DLGAP2: variants seen among roughly 807,000 people sequenced by gnomAD.
The protein encoded by DLGAP2 is DLG associated protein 2.
DLGAP2 carries 26 observed loss-of-function variants against 100.3 expected under a neutral mutation model. The observed-to-expected ratio is 0.26, with a 90% CI of 0.19 to 0.36. The LOEUF (loss-of-function observed/expected upper bound fraction) is 0.36. Among genes scored for constraint, DLGAP2 ranks in the 10% least tolerant of loss-of-function variants. The pLI is 1.00. For synonymous variants in DLGAP2, 886 were observed against 630.1 expected (o/e 1.41, Z -6.08); for missense variants, 1,858 against 1,453.2 (o/e 1.28, Z -4.53).
rs535713032 is a variant in DLGAP2 at position 863,738 on chromosome 8, G to A, written c.19-44174G>A. On this transcript the variant is annotated intron_variant, in intron 1 of 14. Coordinates refer to ENST00000637795, the MANE Select transcript of DLGAP2 (RefSeq NM_001346810.2). ...AGACAAAGACAGCAGATGCCAGTGCGGATGTGGAGGGAGGGGAACTCTTAC... is the reference window on the plus strand; with the variant it reads ...AGACAAAGACAGCAGATGCCAGTGCAGATGTGGAGGGAGGGGAACTCTTAC... Among the ~76,000 whole-genome samples the A allele has an allele frequency of 3.3e-5, 5 of 152,330 alleles. No homozygotes were observed. The South Asian group carries it at 8.3e-4, about 25-fold the overall frequency.
At chr8:1,145,754 C>T (rs796530558) in intron 2 of DLGAP2, among the ~76,000 whole-genome samples, 2 of 122,796 alleles carry the variant, frequency 1.6e-5, no homozygotes, top group African/African-American at 6.7e-5. Context: ...CTAATGCTAT[C>T]CCTCCCCCCT....
At chr8:1,414,405 G>T (rs1006652519) in intron 3 of DLGAP2, among the ~76,000 whole-genome samples, 1 of 152,236 alleles carries the variant, frequency 6.6e-6, no homozygotes, top group East Asian at 1.9e-4. Context: ...CGGGGTGTGA[G>T]TCAGGTCGTG....
intron 3 of DLGAP2, among the ~76,000 whole-genome samples, chr8:1,279,788 A>C (rs1799779005): frequency 6.6e-6 from 1 of 152,216 alleles, no homozygotes; most frequent in Admixed American, 6.5e-5. Context: ...AGCAAGTGGC[A>C]GGCAGGTTGG....
At chr8:1,420,920 G>A (rs1382831369) in intron 3 of DLGAP2, among the ~76,000 whole-genome samples, 1 of 152,088 alleles carries the variant, frequency 6.6e-6, no homozygotes, top group Non-Finnish European at 1.5e-5. Flanking sequence ...TTTCTTTCTT[G>A]CATTTTAATC....
intron 3 of DLGAP2, among the ~76,000 whole-genome samples, chr8:1,336,220 T>G (rs1196142294): frequency 6.6e-6 from 1 of 152,250 alleles, no homozygotes; most frequent in Admixed American, 6.5e-5. Flanking sequence ...TAACTATTTT[T>G]GTTAACTGGA....
chr8:1,344,166 T>C (rs1486653775), intron 3 of DLGAP2, among the ~76,000 whole-genome samples: 4 of 151,328 alleles, frequency 2.6e-5, no homozygotes, highest in African/African-American at 9.7e-5. Flanking sequence ...TGGGTCTTTG[T>C]ACTCGGGGCG....
At chr8:1,529,250 A>C (rs1302182880) in intron 4 of DLGAP2, among the ~76,000 whole-genome samples, 1 of 152,182 alleles carries the variant, frequency 6.6e-6, no homozygotes, top group Admixed American at 6.5e-5. Flanking sequence ...AGATCTTGTG[A>C]GATCTCACTC....
At chr8:1,513,249 A>G (rs6985144) in intron 4 of DLGAP2, among the ~76,000 whole-genome samples, 75,027 of 112,070 alleles carry the variant, frequency 0.67, 23,593 homozygotes, top group South Asian at 0.8. Context: ...GGGCAAGACG[A>G]GAGAGGCCAC....
At chr8:1,551,929 C>A (rs1313480437) in intron 5 of DLGAP2, among the ~76,000 whole-genome samples, 1 of 152,232 alleles carries the variant, frequency 6.6e-6, no homozygotes, top group African/African-American at 2.4e-5. Flanking sequence ...GCCCGCCTGG[C>A]AGCTGCTGAT....
intron 2 of DLGAP2, among the ~76,000 whole-genome samples, chr8:1,191,628 C>T (rs899922356): frequency 6.6e-6 from 1 of 150,806 alleles, no homozygotes; most frequent in Non-Finnish European, 1.5e-5. Flanking sequence ...GTATCTGGGT[C>T]CGTTCTCTGT....
chr8:1,467,285 A>C (rs1308618468), intron 3 of DLGAP2, among the ~76,000 whole-genome samples: 2 of 147,788 alleles, frequency 1.4e-5, no homozygotes, highest in African/African-American at 5.0e-5. Context: ...CCTCATATCC[A>C]CATCCAGCCC....
At chr8:1,433,898 C>G (rs1797536849) in intron 3 of DLGAP2, among the ~76,000 whole-genome samples, 1 of 152,120 alleles carries the variant, frequency 6.6e-6, no homozygotes, top group Non-Finnish European at 1.5e-5. Flanking sequence ...TGTCCATGGT[C>G]CCTGGGGTCC....
chr8:818,725 T>C (rs1430709113), intron 1 of DLGAP2, among the ~76,000 whole-genome samples: 1 of 152,234 alleles, frequency 6.6e-6, no homozygotes, highest in African/African-American at 2.4e-5. Flanking sequence ...TGGCAAGATT[T>C]ATAAAGAAAA....
At chr8:861,447 G>C (rs1235602363) in intron 1 of DLGAP2, among the ~76,000 whole-genome samples, 1 of 152,144 alleles carries the variant, frequency 6.6e-6, no homozygotes, top group Non-Finnish European at 1.5e-5. Flanking sequence ...CACGGAATCT[G>C]CTCTGGCCAT....
In DLGAP2 at chr8:1,529,240, A is replaced by G. The variant is rs563567308; in HGVS notation, c.173-19386A>G. Among the ~76,000 whole-genome samples, 329 of 152,346 alleles carry G rather than the reference A, an allele frequency of 2.2e-3. 1 individual carries two copies. The highest frequency in any genetic ancestry group is 7.7e-3 in the African/African-American group (319 of 41,574). ...GGGAAGAGCCCCTTGTAAAACCATCAGATCTTGTGAGATCTCACTCACTAT... is the reference window on the plus strand; with the variant it reads ...GGGAAGAGCCCCTTGTAAAACCATCGGATCTTGTGAGATCTCACTCACTAT... On this transcript the variant is annotated intron_variant, in intron 4 of 14. Coordinates refer to ENST00000637795, the MANE Select transcript of DLGAP2 (RefSeq NM_001346810.2).
intron 2 of DLGAP2, among the ~76,000 whole-genome samples, chr8:1,201,866 C>CTGTGGTGTGTGTGTAAGCA (rs771471020): frequency 1.1e-3 from 171 of 152,214 alleles, no homozygotes; most frequent in Non-Finnish European, 1.9e-3. Flanking sequence ...CGGTATCTAT[C>CTGTGGTGTGTGTGTAAGCA]TGTGGTGTGT....
chr8:947,187 T>C (rs550284990), intron 2 of DLGAP2, among the ~76,000 whole-genome samples: 2 of 152,240 alleles, frequency 1.3e-5, no homozygotes, highest in Non-Finnish European at 2.9e-5. Context: ...GTTCTTACTG[T>C]AAGAACAACC....
chr8:766,591 C>T (rs1029286303), intron 1 of DLGAP2, among the ~76,000 whole-genome samples: 6 of 152,248 alleles, frequency 3.9e-5, no homozygotes, highest in East Asian at 1.9e-4. Context: ...CTCATTCCAC[C>T]AGCATTTCTC....
At chr8:1,061,337 A>G (rs575183343) in intron 2 of DLGAP2, among the ~76,000 whole-genome samples, 1 of 152,196 alleles carries the variant, frequency 6.6e-6, no homozygotes, top group South Asian at 2.1e-4. Context: ...TTCTACCATC[A>G]GCTTTCTTTG....
Sources: allele counts gnomAD v4.1 joint callset (sites outside exome capture counted in the v4.1 genomes callset), GRCh38; gene constraint gnomAD v4.1.1; transcripts MANE v1.5; gene names NCBI Gene and HGNC (gene_info 2026-07-23, HGNC 2026-07-21).